PRKAG2: variants seen among roughly 807,000 people sequenced by gnomAD.
PRKAG2 encodes 5'-AMP-activated protein kinase subunit gamma-2.
In PRKAG2, 26 loss-of-function variants were observed where a neutral mutation model predicts 69.6. That is an observed-to-expected ratio of 0.37 (90% confidence interval 0.27 to 0.52). The LOEUF (loss-of-function observed/expected upper bound fraction) is 0.52. PRKAG2 is among the 20% of genes least tolerant of loss of function. The pLI is 0.90. For synonymous variants in PRKAG2, 293 were observed against 285.0 expected (o/e 1.03, Z -0.28); for missense variants, 557 against 740.0 (o/e 0.75, Z 2.87).
At chr7:151,819,494 C>T (rs2151862498) in intron 1 of PRKAG2, among the ~76,000 whole-genome samples, 1 of 152,278 alleles carries the variant, frequency 6.6e-6, no homozygotes, top group East Asian at 1.9e-4. Context: ...AGTGGCTGTG[C>T]TGAGATTAGA....
intron 3 of PRKAG2, among the ~76,000 whole-genome samples, chr7:151,757,363 A>G (rs760433142): frequency 4.6e-5 from 7 of 152,170 alleles, no homozygotes; most frequent in Admixed American, 2.6e-4. Flanking sequence ...AAGTTAAATA[A>G]ACTTCTCTGA....
At chr7:151,672,330 C>G (rs533112897) in intron 4 of PRKAG2, among the ~76,000 whole-genome samples, 1 of 150,696 alleles carries the variant, frequency 6.6e-6, no homozygotes, top group Non-Finnish European at 1.5e-5. Context: ...CTCGATCTCT[C>G]GTGATCCACC....
chr7:151,575,912 A>G (rs948079592), intron 7 of PRKAG2, among the ~76,000 whole-genome samples: 9 of 151,208 alleles, frequency 6.0e-5, no homozygotes, highest in Non-Finnish European at 1.3e-4. Context: ...AAAAAAAAAA[A>G]AGAAAAAAAG....
intron 3 of PRKAG2, among the ~76,000 whole-genome samples, chr7:151,722,771 C>T (rs1326113791): frequency 6.6e-6 from 1 of 151,940 alleles, no homozygotes; most frequent in African/African-American, 2.4e-5. Flanking sequence ...GTCACAGGCA[C>T]TTCTTATTAT....
intron 3 of PRKAG2, among the ~76,000 whole-genome samples, chr7:151,690,664 A>G (rs769551491): frequency 6.6e-6 from 1 of 152,194 alleles, no homozygotes; most frequent in South Asian, 2.1e-4. Context: ...GAAAAATGAT[A>G]TCTGAATACG....
chr7:151,707,637 A>G (rs1323456341), intron 3 of PRKAG2, among the ~76,000 whole-genome samples: 1 of 152,156 alleles, frequency 6.6e-6, no homozygotes, highest in Non-Finnish European at 1.5e-5. Flanking sequence ...AGCCAAATGC[A>G]GCCATCTGAT....
In PRKAG2 at chr7:151,568,746, G is replaced by A. The variant is rs755648886; in HGVS notation, c.1203C>T (p.His401=). 6.2e-7 allele frequency: 1 copy of A among 1,613,978 alleles called. No homozygotes were observed. Among genetic ancestry groups the A allele is most frequent in the South Asian group, 1.1e-5 (1 of 91,082 alleles). Residue 401 remains histidine (H), a synonymous_variant, in exon 11 of 16, where the codon CAC becomes CAT. Transcript: ENST00000287878. ...GCTGGAGGAACTTGAGGATTCTTTT[G>A]TGGGTAAGTATATAAAGTGCATTCC... is the stretch of plus-strand genomic sequence containing the variant. The part of the protein sequence containing the change: ...ISGNALYILT[H]KRILKFLQLF...
intron 3 of PRKAG2, among the ~76,000 whole-genome samples, chr7:151,779,027 C>G (rs2076541056): frequency 6.6e-6 from 1 of 152,196 alleles, no homozygotes; most frequent in Non-Finnish European, 1.5e-5. Context: ...GCTTTCTTCC[C>G]CCATAAATGC....
intron 15 of PRKAG2, 73 bp from the exon 16 acceptor site, chr7:151,557,305 C>T: frequency 6.2e-7 from 1 of 1,613,170 alleles, no homozygotes; most frequent in Non-Finnish European, 8.5e-7. Context: ...GGGGTTTCTA[C>T]CTGTGTCTGG....
At chr7:151,591,361 A>AC (rs1813090290) in intron 6 of PRKAG2, among the ~76,000 whole-genome samples, 1 of 152,222 alleles carries the variant, frequency 6.6e-6, no homozygotes, top group Non-Finnish European at 1.5e-5. Flanking sequence ...CCATCTTCAC[A>AC]CTGCACACTG....
intron 10 of PRKAG2, among the ~76,000 whole-genome samples, chr7:151,569,511 A>T (rs1487670116): frequency 6.6e-6 from 1 of 152,224 alleles, no homozygotes; most frequent in African/African-American, 2.4e-5. Context: ...CGGCCCGGCT[A>T]GGAGATATTG....
At chr7:151,577,289 T>C (rs893583406) in intron 6 of PRKAG2, among the ~76,000 whole-genome samples, 22 of 152,200 alleles carry the variant, frequency 1.4e-4, no homozygotes, top group Admixed American at 1.0e-3. Flanking sequence ...ACATATCATA[T>C]CTCACTTAAC....
chr7:151,736,201 C>T (rs986048291), intron 3 of PRKAG2: 1 of 1,407,678 alleles, frequency 7.1e-7, no homozygotes, highest in African/African-American at 1.4e-5. Flanking sequence ...CACCGCAGCC[C>T]CAGAGTCTGT....
At chr7:151,740,730 G>A (rs571631580) in intron 3 of PRKAG2, among the ~76,000 whole-genome samples, 1 of 152,354 alleles carries the variant, frequency 6.6e-6, no homozygotes, top group East Asian at 1.9e-4. Context: ...ACAAAGGAAG[G>A]AGAGGAGAAG....
At chr7:151,563,480 T>C (rs7793517) in intron 14 of PRKAG2, among the ~76,000 whole-genome samples, 1 of 152,120 alleles carries the variant, frequency 6.6e-6, no homozygotes, top group African/African-American at 2.4e-5. Flanking sequence ...TGTTAAAATA[T>C]ATATTACGCA....
intron 1 of PRKAG2, among the ~76,000 whole-genome samples, chr7:151,859,485 G>A (rs1201986778): frequency 6.6e-6 from 1 of 152,238 alleles, no homozygotes; most frequent in Non-Finnish European, 1.5e-5. Context: ...ACATCTCTCC[G>A]TGTTCACTGA....
At chr7:151,869,321 T>A (rs1038344317) in intron 1 of PRKAG2, among the ~76,000 whole-genome samples, 1 of 152,166 alleles carries the variant, frequency 6.6e-6, no homozygotes, top group African/African-American at 2.4e-5. Context: ...CTCGTTTATA[T>A]AAGAATCTTG....
intron 1 of PRKAG2, among the ~76,000 whole-genome samples, chr7:151,862,488 C>G (rs1488935093): frequency 6.6e-6 from 1 of 152,198 alleles, no homozygotes; most frequent in Non-Finnish European, 1.5e-5. Context: ...AGACGGCCCC[C>G]ATTTTCTTTC....
chr7:151,866,505 C>T (rs1048614631), intron 1 of PRKAG2, among the ~76,000 whole-genome samples: 2 of 152,176 alleles, frequency 1.3e-5, no homozygotes, highest in Non-Finnish European at 2.9e-5. Flanking sequence ...AATATTAGCT[C>T]AATCTGTTGA....
Sources: gnomAD v4.1 joint callset for allele counts (sites outside exome capture counted in the v4.1 genomes callset) on GRCh38, gnomAD v4.1.1 for gene constraint, MANE v1.5 for transcripts, NCBI Gene and HGNC (gene_info 2026-07-23, HGNC 2026-07-21) for gene names.